The following SIL1 variants were observed in gnomAD, a reference collection of about 807,000 sequenced individuals.
SIL1 encodes nucleotide exchange factor SIL1.
Under a neutral mutation model 49.1 loss-of-function variants are expected in SIL1, and 40 were observed. The ratio of observed to expected loss-of-function variants is 0.81; its 90% CI spans 0.63 to 1.06. The LOEUF (loss-of-function observed/expected upper bound fraction) is 1.06. SIL1 is among the 50% of genes least tolerant of loss of function. The probability of loss-of-function intolerance (pLI) is 0.00; values close to 1 mark genes in which losing one functional copy is unlikely to be tolerated. For missense variants in SIL1, 500 were observed against 572.6 expected (o/e 0.87, Z 1.29); for synonymous variants, 253 against 250.8 (o/e 1.01, Z -0.08).
intron 1 of SIL1, among the ~76,000 whole-genome samples, chr5:139,186,967 C>T (rs565097287): frequency 6.6e-6 from 1 of 152,300 alleles, no homozygotes; most frequent in South Asian, 2.1e-4. Context: ...AGTAGGATTT[C>T]AACAGGATTG....
intron 5 of SIL1, among the ~76,000 whole-genome samples, chr5:139,039,662 T>C (rs532032257): frequency 6.6e-6 from 1 of 152,310 alleles, no homozygotes; most frequent in South Asian, 2.1e-4. Flanking sequence ...CTTCCTACAT[T>C]TGCCTTTAGT....
intron 3 of SIL1, among the ~76,000 whole-genome samples, chr5:139,102,325 C>T (rs898350593): frequency 6.6e-6 from 1 of 152,126 alleles, no homozygotes; most frequent in Non-Finnish European, 1.5e-5. Context: ...TATGACTGCA[C>T]TTTTGTGCAA....
chr5:139,058,970 A>ATGTGTGTG (rs61070788), intron 3 of SIL1, among the ~76,000 whole-genome samples: 2 of 150,226 alleles, frequency 1.3e-5, no homozygotes, highest in African/African-American at 2.5e-5. Flanking sequence ...AGAAATGTGT[A>ATGTGTGTG]TGTGTGTGTG....
chr5:139,167,235 C>T (rs557643424), intron 1 of SIL1, among the ~76,000 whole-genome samples: 1 of 152,278 alleles, frequency 6.6e-6, no homozygotes, highest in South Asian at 2.1e-4. Context: ...GCTGAAATTA[C>T]AGGCGTGAGC....
At chr5:139,153,040 A>T (rs1323219281) in intron 1 of SIL1, among the ~76,000 whole-genome samples, 2 of 151,616 alleles carry the variant, frequency 1.3e-5, no homozygotes, top group East Asian at 3.9e-4. Context: ...CTGGTCTTGA[A>T]CTCCTGACCT....
At chr5:139,128,574 C>T (rs917382013) in intron 1 of SIL1, among the ~76,000 whole-genome samples, 2 of 151,088 alleles carry the variant, frequency 1.3e-5, no homozygotes, top group African/African-American at 4.9e-5. Context: ...ACTTAAGCCC[C>T]AGAGGATGAG....
chr5:139,089,680 G>A (rs1451415412), intron 3 of SIL1, among the ~76,000 whole-genome samples: 1 of 152,154 alleles, frequency 6.6e-6, no homozygotes. Context: ...AAATTATTAT[G>A]CTCAGTGAAA....
At chr5:139,038,975 T>C (rs1768978621) in intron 5 of SIL1, among the ~76,000 whole-genome samples, 1 of 152,102 alleles carries the variant, frequency 6.6e-6, no homozygotes, top group Non-Finnish European at 1.5e-5. Flanking sequence ...ATATTCAAGT[T>C]CCCTGCTTAG....
chr5:139,193,384 C>G (rs1752210477), intron 1 of SIL1, among the ~76,000 whole-genome samples: 1 of 152,018 alleles, frequency 6.6e-6, no homozygotes, highest in Non-Finnish European at 1.5e-5. Flanking sequence ...GCCAACATGG[C>G]AAAACACAAA....
chr5:139,020,962 A>G (rs948375601), intron 7 of SIL1, among the ~76,000 whole-genome samples: 8 of 152,232 alleles, frequency 5.3e-5, no homozygotes, highest in African/African-American at 1.9e-4. Flanking sequence ...GTCCATACAC[A>G]TAAGATGGGG....
At chr5:139,060,685 T>A (rs1166532810) in intron 3 of SIL1, among the ~76,000 whole-genome samples, 1 of 152,156 alleles carries the variant, frequency 6.6e-6, no homozygotes, top group Admixed American at 6.5e-5. Flanking sequence ...GATAAAGTGG[T>A]TGTAGAAATA....
At chr5:139,042,212 G>C (rs1421942539) in intron 5 of SIL1, among the ~76,000 whole-genome samples, 1 of 152,344 alleles carries the variant, frequency 6.6e-6, no homozygotes, top group African/African-American at 2.4e-5. Context: ...CCGGCTTCTT[G>C]CTTCCTGGGC....
intron 3 of SIL1, among the ~76,000 whole-genome samples, chr5:139,059,884 T>C (rs1219085507): frequency 6.6e-6 from 1 of 152,246 alleles, no homozygotes; most frequent in Non-Finnish European, 1.5e-5. Flanking sequence ...CCTGCTCTTA[T>C]TATCTACAAT....
chr5:139,193,863 A>T (rs1752219238), intron 1 of SIL1, among the ~76,000 whole-genome samples: 1 of 152,228 alleles, frequency 6.6e-6, no homozygotes, highest in African/African-American at 2.4e-5. Context: ...CAATGAAGGC[A>T]TTCCCATTTC....
At chr5:139,054,695 T>C (rs1373606432) in intron 3 of SIL1, among the ~76,000 whole-genome samples, 1 of 152,214 alleles carries the variant, frequency 6.6e-6, no homozygotes, top group African/African-American at 2.4e-5. Flanking sequence ...TAGGTTATAG[T>C]GTGCTAAGCT....
At chr5:139,137,560 AGGGTACATGTGCAC>A in intron 1 of SIL1, 1 of 458,480 alleles carries the variant, frequency 2.2e-6, no homozygotes, top group South Asian at 3.2e-5. Flanking sequence ...TTTAAGTTTT[AGGGTACATGTGCAC>A]AATGTGCAGG....
Position 138,948,536 on chromosome 5 carries a change from C to T in SIL1, c.1030-1063G>A, listed in dbSNP as rs1008182786. Among the ~76,000 whole-genome samples the T allele has an allele frequency of 6.6e-6, 1 of 152,176 alleles. No homozygotes were observed. The highest frequency in any genetic ancestry group is 1.5e-5 in the Non-Finnish European group (1 of 68,028). On this transcript the variant is annotated intron_variant, in intron 9 of 9. Transcript: ENST00000394817. The surrounding 1 kb of genome is among the most constrained non-coding windows in gnomAD (Gnocchi z 4.8). ...TGCGAGGCTCTGCAGGCTCTGCCCC[C>T]ACTGTGCGCGGCCTGGACCCACTCA...
intron 9 of SIL1, among the ~76,000 whole-genome samples, chr5:138,950,058 G>C (rs1766732383): frequency 6.6e-6 from 1 of 152,202 alleles, no homozygotes; most frequent in Non-Finnish European, 1.5e-5. Context: ...CCTCGGGGCA[G>C]CCTTGGTGAG....
intron 4 of SIL1, among the ~76,000 whole-genome samples, 192 bp downstream of exon 4, chr5:139,050,746 G>T (rs1769267170): frequency 6.6e-6 from 1 of 152,126 alleles, no homozygotes; most frequent in Admixed American, 6.5e-5. Flanking sequence ...GTATCAATTT[G>T]CTTTGCAAAC....
Sources: allele counts gnomAD v4.1 joint callset (sites outside exome capture counted in the v4.1 genomes callset), GRCh38; gene constraint gnomAD v4.1.1; non-coding constraint Gnocchi (gnomAD v3.1); transcripts MANE v1.5; gene names NCBI Gene and HGNC (gene_info 2026-07-23, HGNC 2026-07-21).